The following CFAP69 variants were observed in gnomAD, a reference collection of about 807,000 sequenced individuals.
CFAP69 encodes cilia- and flagella-associated protein 69.
CFAP69 carries 92 observed loss-of-function variants against 123.0 expected under a neutral mutation model. The ratio of observed to expected loss-of-function variants is 0.75; its 90% CI spans 0.63 to 0.89. CFAP69 has a LOEUF of 0.89. CFAP69 is among the 40% of genes least tolerant of loss of function. The pLI is 0.00. For synonymous variants in CFAP69, 380 were observed against 364.3 expected (o/e 1.04, Z -0.49); for missense variants, 1,067 against 1,096.9 (o/e 0.97, Z 0.39).
At chr7:90,275,719 A>T (rs1423441435) in intron 9 of CFAP69, among the ~76,000 whole-genome samples, 1 of 143,578 alleles carries the variant, frequency 7.0e-6, no homozygotes, top group Non-Finnish European at 1.5e-5. Context: ...CTCCTGCCTC[A>T]GTCTCCTGAG....
chr7:90,273,489 A>C (rs778919485), intron 8 of CFAP69, among the ~76,000 whole-genome samples: 1 of 152,192 alleles, frequency 6.6e-6, no homozygotes, highest in Non-Finnish European at 1.5e-5. Flanking sequence ...TATCTGGTAC[A>C]TAGAGGATTA....
chr7:90,272,528 G>T (rs907759413), intron 8 of CFAP69, among the ~76,000 whole-genome samples: 3 of 152,124 alleles, frequency 2.0e-5, no homozygotes, highest in Non-Finnish European at 2.9e-5. Flanking sequence ...GATGCTACAT[G>T]TTCTTCAGAA....
At chr7:90,307,325 A>G (rs1451922202) in intron 20 of CFAP69, among the ~76,000 whole-genome samples, 2 of 152,236 alleles carry the variant, frequency 1.3e-5, no homozygotes, top group Admixed American at 1.3e-4. Context: ...TGATCATTAC[A>G]CATTGTATGC....
At chr7:90,296,535 C>A (rs1456345874) in intron 15 of CFAP69, among the ~76,000 whole-genome samples, 1 of 151,978 alleles carries the variant, frequency 6.6e-6, no homozygotes, top group East Asian at 1.9e-4. Flanking sequence ...GCCATGTTGA[C>A]CAGGCTGGTC....
chr7:90,271,818 C>T lies in CFAP69; in HGVS notation c.720C>T (p.Ala240=). The T allele has an allele frequency of 6.3e-7, 1 of 1,587,480 alleles. No individual in the cohort carries two copies. The highest frequency in any genetic ancestry group is 2.3e-5 in the East Asian group (1 of 43,642). The change falls in exon 8 of 23, where the codon GCC becomes GCT. Residue 240 remains alanine, a synonymous_variant. Transcript: ENST00000389297. The part of the protein sequence containing the change: ...NCTIMMKAQA[A]SGICTHLNDP... ...CTATAATGATGAAAGCACAAGCAGC[C>T]AGTGGAATCTGTACTCACCTCAATG...
intron 19 of CFAP69, 139 bp from the exon 20 acceptor site, chr7:90,306,762 A>G (rs950311393): frequency 1.6e-6 from 1 of 638,838 alleles, no homozygotes; most frequent in Admixed American, 3.0e-5. Context: ...ATCATTCCCA[A>G]TGCACTTATT....
At chr7:90,274,194 T>C in intron 9 of CFAP69, 84 bp downstream of exon 9, 1 of 1,496,512 alleles carries the variant, frequency 6.7e-7, no homozygotes. Context: ...GTTGGAATAT[T>C]TGTGTATTTT....
intron 12 of CFAP69, among the ~76,000 whole-genome samples, chr7:90,281,978 A>C (rs1190870157): frequency 6.6e-6 from 1 of 152,194 alleles, no homozygotes; most frequent in African/African-American, 2.4e-5. Context: ...TTTTCAAAAA[A>C]CATTGAAAAA....
chr7:90,275,796 G>T (rs1322461320), intron 9 of CFAP69, among the ~76,000 whole-genome samples: 3 of 151,732 alleles, frequency 2.0e-5, no homozygotes, highest in Non-Finnish European at 4.4e-5. Flanking sequence ...TAGAGACAGG[G>T]TTTCACTGTG....
intron 4 of CFAP69, among the ~76,000 whole-genome samples, chr7:90,265,064 T>TTACA (rs1385763250): frequency 6.6e-6 from 1 of 152,152 alleles, no homozygotes; most frequent in Non-Finnish European, 1.5e-5. Context: ...GGCGCTGGGA[T>TTACA]TACAGGTGTG....
chr7:90,289,018 G>T lies in CFAP69; in HGVS notation c.1775+666G>T, dbSNP rs1008733880. Among the ~76,000 whole-genome samples, 12 of 151,308 alleles carry T rather than the reference G, an allele frequency of 7.9e-5. No homozygotes were observed. In the East Asian group the frequency reaches 1.9e-3, roughly 24 times the overall value. On this transcript the variant is annotated intron_variant, in intron 15 of 22. Transcript: ENST00000389297. ...CTTTCTTTATATTTTTATTCTATAA[G>T]TTTCTTCTGTTTTTAAAAAAATTAC...
chr7:90,298,249 A>G (rs1331498976), intron 16 of CFAP69, among the ~76,000 whole-genome samples: 4 of 152,200 alleles, frequency 2.6e-5, no homozygotes, highest in African/African-American at 7.2e-5. Flanking sequence ...TTAAAGAACT[A>G]TGTATTATTT....
the CFAP69 span, chr7:90,317,003 T>G: frequency 6.6e-6 from 1 of 152,134 alleles, no homozygotes; most frequent in Non-Finnish European, 1.5e-5. Context: ...AGAGAACTGT[T>G]TTTTTTGAGG....
At chr7:90,305,384 CA>C (rs200471433) in intron 19 of CFAP69, among the ~76,000 whole-genome samples, 2,899 of 134,936 alleles carry the variant, frequency 0.021, 91 homozygotes, top group East Asian at 0.12. Flanking sequence ...AGAAGCCTAG[CA>C]AAAAAAAAAA....
chr7:90,309,354 G>C lies in CFAP69; in HGVS notation c.2642G>C (p.Gly881Ala), dbSNP rs771612648. The change falls in exon 22 of 23, where the codon GGC becomes GCC. Residue 881 changes from glycine to alanine, a missense_variant. Transcript: ENST00000389297. ...ATATTTCACCAAACACATATTAAAG[G>C]CCTTAACACAACGGTAAGATTCTTT... ...NAIFHQTHIK[G>A]LNTTVPSGGV... 1 of 1,560,228 alleles carries C rather than the reference G, an allele frequency of 6.4e-7. No homozygotes were observed.
At chr7:90,279,452 T>C (rs868300739) in intron 11 of CFAP69, among the ~76,000 whole-genome samples, 1 of 151,920 alleles carries the variant, frequency 6.6e-6, no homozygotes, top group Non-Finnish European at 1.5e-5. Context: ...AATTAATACA[T>C]ATTTTATATT....
intron 15 of CFAP69, among the ~76,000 whole-genome samples, chr7:90,289,272 C>G (rs900313483): frequency 1.3e-5 from 2 of 152,078 alleles, no homozygotes; most frequent in African/African-American, 2.4e-5. Flanking sequence ...TACACCTTTC[C>G]CAGTAGTGTG....
chr7:90,296,292 T>C (rs1055240262), intron 15 of CFAP69, among the ~76,000 whole-genome samples: 5 of 152,108 alleles, frequency 3.3e-5, no homozygotes, highest in Non-Finnish European at 7.4e-5. Flanking sequence ...CCAATATAAT[T>C]GACCAAGGCC....
At chr7:90,261,275 A>G (rs1000275660) in intron 3 of CFAP69, among the ~76,000 whole-genome samples, 11 of 152,142 alleles carry the variant, frequency 7.2e-5, no homozygotes, top group African/African-American at 2.7e-4. Flanking sequence ...GGGTTTTACC[A>G]TGTTGGTCAG....
Sources: allele counts gnomAD v4.1 joint callset (sites outside exome capture counted in the v4.1 genomes callset), GRCh38; gene constraint gnomAD v4.1.1; transcripts MANE v1.5; gene names NCBI Gene and HGNC (gene_info 2026-07-23, HGNC 2026-07-21).